Variants in GPAT3 observed in about 807,000 individuals in gnomAD.
GPAT3 encodes the protein 1-AGP acyltransferase 9.
Under a neutral mutation model 58.8 loss-of-function variants are expected in GPAT3, and 53 were observed. That is an observed-to-expected ratio of 0.90 (90% confidence interval 0.72 to 1.13). The LOEUF (loss-of-function observed/expected upper bound fraction) is 1.13. Among genes scored for constraint, GPAT3 ranks in the 50% most tolerant of loss-of-function variants. GPAT3 has a pLI of 0.00. For synonymous variants in GPAT3, 197 were observed against 187.4 expected, an observed-to-expected ratio of 1.05 and a Z score of -0.42; for missense variants, 511 against 527.6, an observed-to-expected ratio of 0.97 and a Z score of 0.31.
At chr4:83,575,836 A>T (rs1560618631) in intron 2 of GPAT3, among the ~76,000 whole-genome samples, 1 of 152,206 alleles carries the variant, frequency 6.6e-6, no homozygotes, top group Non-Finnish European at 1.5e-5. Context: ...TGTCAGTTCC[A>T]TGTAGCACTT....
At chr4:83,588,101 C>G (rs1726451692) in intron 4 of GPAT3, 109 bp from the exon 5 acceptor site, 1 of 855,522 alleles carries the variant, frequency 1.2e-6, no homozygotes, top group Non-Finnish European at 1.9e-6. Flanking sequence ...TACCTGTTCA[C>G]CAGAATAGAA....
intron 11 of GPAT3, among the ~76,000 whole-genome samples, chr4:83,602,057 A>G (rs1727074026): frequency 1.3e-5 from 2 of 152,248 alleles, no homozygotes; most frequent in Non-Finnish European, 2.9e-5. Context: ...TCATAGCATC[A>G]CAAAACTATA....
intron 7 of GPAT3, among the ~76,000 whole-genome samples, chr4:83,596,535 T>G (rs1726846336): frequency 6.6e-6 from 1 of 151,972 alleles, no homozygotes; most frequent in South Asian, 2.1e-4. Flanking sequence ...GGAGGGAGGT[T>G]TGCTTGAGCT....
At chr4:83,559,923 T>A (rs1725072609) in intron 2 of GPAT3, among the ~76,000 whole-genome samples, 1 of 152,094 alleles carries the variant, frequency 6.6e-6, no homozygotes. Flanking sequence ...CAATTGGACT[T>A]GTGATTAGAC....
At chr4:83,575,171 C>T (rs571019706) in intron 2 of GPAT3, among the ~76,000 whole-genome samples, 132 of 152,212 alleles carry the variant, frequency 8.7e-4, no homozygotes, top group African/African-American at 2.9e-3. Flanking sequence ...CCACCGCGCC[C>T]GGCCAACGGA....
intron 2 of GPAT3, among the ~76,000 whole-genome samples, chr4:83,556,250 CAA>C (rs1724935201): frequency 6.6e-6 from 1 of 152,094 alleles, no homozygotes. Flanking sequence ...AGATGTAGGT[CAA>C]GAGTGGGTTG....
rs546600558 is a variant in GPAT3, at chr4:83,550,403, CTGA to C, written c.208+5826_208+5828del. 2.6e-3 allele frequency among the ~76,000 whole-genome samples: 389 copies of C among 151,576 alleles called. 2 individuals are homozygous for C. The highest frequency in any genetic ancestry group is 8.4e-3 in the African/African-American group (349 of 41,322). Reference sequence around the variant, plus strand: ...CTATCCCTATTTGTGAATATTGTGTCTGATGATGATGATGATGATGATGATGAC... The same window carrying C: ...CTATCCCTATTTGTGAATATTGTGTCTGATGATGATGATGATGATGATGAC... On this transcript the variant is annotated intron_variant, in intron 2 of 11. Coordinates refer to ENST00000264409, the MANE Select transcript of GPAT3 (RefSeq NM_032717.5).
chr4:83,567,567 T>A (rs1274376570), intron 2 of GPAT3, among the ~76,000 whole-genome samples: 1 of 152,248 alleles, frequency 6.6e-6, no homozygotes, highest in African/African-American at 2.4e-5. Context: ...TACTTGTGAT[T>A]AGTGTATTAC....
intron 11 of GPAT3, among the ~76,000 whole-genome samples, chr4:83,603,937 T>C (rs1727162233): frequency 6.6e-6 from 1 of 152,208 alleles, no homozygotes; most frequent in African/African-American, 2.4e-5. Flanking sequence ...TTCTTCTGTG[T>C]ATATTTTAAA....
At chr4:83,583,037 C>T (rs1726215763) in intron 3 of GPAT3, among the ~76,000 whole-genome samples, 1 of 152,166 alleles carries the variant, frequency 6.6e-6, no homozygotes, top group Non-Finnish European at 1.5e-5. Flanking sequence ...GTGGCTCACG[C>T]CTGTAATCCC....
Position 83,575,517 on chromosome 4 carries a change from A to G in GPAT3, c.209-6045A>G, listed in dbSNP as rs112073312. Among the ~76,000 whole-genome samples the G allele has an allele frequency of 4.1e-3, 617 of 152,122 alleles. 2 individuals carry two copies. Among genetic ancestry groups the G allele is most frequent in the Non-Finnish European group, 6.2e-3 (423 of 67,992 alleles). On this transcript the variant is annotated intron_variant, in intron 2 of 11. Transcript: ENST00000264409. ...AAGCTCCACCTCCCGAGTTCACACC[A>G]TTCTCCTGCCACAGCCTCCCCAGCA...
chr4:83,568,276 T>G (rs1253971303), intron 2 of GPAT3, among the ~76,000 whole-genome samples: 1 of 152,172 alleles, frequency 6.6e-6, no homozygotes, highest in Non-Finnish European at 1.5e-5. Context: ...TAGGCAATTG[T>G]GATTGAGTCA....
intron 11 of GPAT3, among the ~76,000 whole-genome samples, chr4:83,601,140 A>G (rs1490180078): frequency 6.6e-6 from 1 of 152,240 alleles, no homozygotes; most frequent in Non-Finnish European, 1.5e-5. Flanking sequence ...TGTGACCTTA[A>G]GCAAAATGAC....
chr4:83,577,733 A>T (rs1159715205), intron 2 of GPAT3, among the ~76,000 whole-genome samples: 1 of 149,178 alleles, frequency 6.7e-6, no homozygotes, highest in African/African-American at 2.5e-5. Context: ...ACTTCACATT[A>T]TCAGATTAAA....
At chr4:83,562,795 T>C (rs375485292) in intron 2 of GPAT3, among the ~76,000 whole-genome samples, 1 of 150,508 alleles carries the variant, frequency 6.6e-6, no homozygotes, top group Non-Finnish European at 1.5e-5. Flanking sequence ...TAGAAAGAGA[T>C]ATAGATAGAT....
At position 83,536,748 on chromosome 4, in the gene GPAT3, A is replaced by C; in HGVS notation, c.126A>C (p.Leu42=). 6.2e-7 allele frequency: 1 copy of C among 1,611,888 alleles called. No homozygotes were observed. The highest frequency in any genetic ancestry group is 2.2e-5 in the East Asian group (1 of 44,838). Residue 42 remains leucine, a synonymous_variant, in exon 1 of 12, where the codon CTA becomes CTC. Transcript: ENST00000264409. Reference sequence around the variant, plus strand: ...TCTCCGAGATCTACATGAAGATCCTAGTGAAAACTTTAGAGGTGAGTGCCG... The same window carrying C: ...TCTCCGAGATCTACATGAAGATCCTCGTGAAAACTTTAGAGGTGAGTGCCG... ...LGISEIYMKI[L]VKTLEWATIR...
At chr4:83,572,975 T>G (rs1725658382) in intron 2 of GPAT3, among the ~76,000 whole-genome samples, 1 of 152,152 alleles carries the variant, frequency 6.6e-6, no homozygotes, top group African/African-American at 2.4e-5. Context: ...TGGAAATCTG[T>G]GCAGTTAGGT....
intron 2 of GPAT3, among the ~76,000 whole-genome samples, chr4:83,578,287 T>G (rs748636482): frequency 1.4e-4 from 21 of 152,250 alleles, no homozygotes; most frequent in Non-Finnish European, 2.1e-4. Context: ...ATTAATCCTT[T>G]GGGAAATTAA....
intron 1 of GPAT3, among the ~76,000 whole-genome samples, chr4:83,539,709 A>G (rs532167078): frequency 5.3e-5 from 8 of 152,332 alleles, no homozygotes; most frequent in African/African-American, 1.9e-4. Context: ...ATATGGCAAG[A>G]TACTTGAGGA....
Sources: gnomAD v4.1 joint callset for allele counts (sites outside exome capture counted in the v4.1 genomes callset) on GRCh38, gnomAD v4.1.1 for gene constraint, MANE v1.5 for transcripts, NCBI Gene and HGNC (gene_info 2026-07-23, HGNC 2026-07-21) for gene names.